Variants in LAMB4 observed in about 807,000 individuals in gnomAD.
LAMB4 encodes laminin subunit beta-4.
LAMB4 carries 196 observed loss-of-function variants against 199.2 expected under a neutral mutation model. The ratio of observed to expected loss-of-function variants is 0.98; its 90% CI spans 0.88 to 1.11. The LOEUF (loss-of-function observed/expected upper bound fraction) is 1.11, where lower values mean the gene tolerates loss of function less well. LAMB4 is among the 50% of genes least tolerant of loss of function. The pLI is 0.00. For missense variants in LAMB4, 2,080 were observed against 2,171.2 expected (o/e 0.96, Z 0.83); for synonymous variants, 744 against 770.6 (o/e 0.97, Z 0.57).
chr7:108,123,509 T>C (rs1283606487), intron 1 of LAMB4, among the ~76,000 whole-genome samples: 3 of 152,354 alleles, frequency 2.0e-5, no homozygotes, highest in Admixed American at 1.3e-4. Context: ...AGAAACTTTT[T>C]CTTCTAAAAA....
intron 11 of LAMB4, among the ~76,000 whole-genome samples, chr7:108,097,422 T>C (rs577950049): frequency 8.5e-5 from 13 of 152,352 alleles, no homozygotes; most frequent in Admixed American, 8.5e-4. Flanking sequence ...TTAATTATTT[T>C]TTCTTTTATC....
intron 29 of LAMB4, among the ~76,000 whole-genome samples, chr7:108,040,743 T>C (rs1170985961): frequency 6.6e-6 from 1 of 152,128 alleles, no homozygotes; most frequent in Non-Finnish European, 1.5e-5. Flanking sequence ...TCCTTACATC[T>C]TATATGAAAA....
rs10269515 is a variant in LAMB4, at chr7:108,079,578, A to G, written c.1887+23T>C. On this transcript the variant is annotated intron_variant, in intron 15 of 33. Transcript: ENST00000388781. ...GTATTTCTGTCAGCTTTTCACCACC[A>G]AAGTTGGAGAGTTAAAGGATACCTG... 3.5e-3 allele frequency: 5,485 copies of G among 1,561,586 alleles called. 149 individuals carry two copies. The African/African-American group carries it at 0.06, about 17-fold the overall frequency.
chr7:108,035,464 T>A (rs1031490320), intron 30 of LAMB4, among the ~76,000 whole-genome samples: 2 of 150,972 alleles, frequency 1.3e-5, no homozygotes, highest in Admixed American at 1.3e-4. Context: ...ATCACTTGAA[T>A]CTGGGAGGCG....
intron 17 of LAMB4, among the ~76,000 whole-genome samples, chr7:108,071,204 C>A (rs1410772842): frequency 6.6e-6 from 1 of 152,198 alleles, no homozygotes; most frequent in Non-Finnish European, 1.5e-5. Flanking sequence ...TGCCCTTTGA[C>A]TCCTTGATAG....
chr7:108,037,748 C>G (rs1440176946), intron 29 of LAMB4, among the ~76,000 whole-genome samples, 153 bp from the exon 30 acceptor site: 1 of 152,212 alleles, frequency 6.6e-6, no homozygotes, highest in Non-Finnish European at 1.5e-5. Flanking sequence ...CCTATAGATT[C>G]TTCTTCATCC....
intron 17 of LAMB4, among the ~76,000 whole-genome samples, chr7:108,070,452 T>C (rs2036495928): frequency 6.6e-6 from 1 of 152,182 alleles, no homozygotes; most frequent in South Asian, 2.1e-4. Context: ...CCCTTCTATG[T>C]GGATTTTCTT....
At chr7:108,116,390 A>T (rs914562197) in intron 2 of LAMB4, among the ~76,000 whole-genome samples, 5 of 152,166 alleles carry the variant, frequency 3.3e-5, no homozygotes, top group Non-Finnish European at 5.9e-5. Context: ...CAAAATACAG[A>T]TTTGGATTAA....
chr7:108,034,064 G>A lies in LAMB4; in HGVS notation c.4818+144C>T, dbSNP rs2035138566. ...GTGCTCTGTAGAACATTAAATACAT[G>A]CATAATACTACCCAAATCTTATTTA... On this transcript the variant is annotated intron_variant, in intron 31 of 33. Coordinates refer to ENST00000388781, the MANE Select transcript of LAMB4 (RefSeq NM_007356.3). 4 of 809,312 alleles carry A rather than the reference G, an allele frequency of 4.9e-6. No individual in the cohort carries two copies. The South Asian group carries it at 5.0e-5, about 10-fold the overall frequency. The allele number at this position is 809,312 out of a possible 1,614,324, so 50.1% of individuals were successfully genotyped here. A position where few individuals can be genotyped will look rare whatever the true frequency, so the allele number is the denominator to read the frequency against.
chr7:108,117,513 T>C (rs999399314), intron 2 of LAMB4, among the ~76,000 whole-genome samples: 1 of 152,172 alleles, frequency 6.6e-6, no homozygotes, highest in African/African-American at 2.4e-5. Context: ...GTTAAACATA[T>C]ATATAATGAG....
chr7:108,116,884 G>T (rs1330116243), intron 2 of LAMB4, among the ~76,000 whole-genome samples: 3 of 152,116 alleles, frequency 2.0e-5, no homozygotes, highest in African/African-American at 2.4e-5. Context: ...AAAATGAAAA[G>T]AAATTAGCCA....
intron 2 of LAMB4, among the ~76,000 whole-genome samples, chr7:108,121,005 AAATAGT>A (rs1197410831): frequency 6.6e-6 from 1 of 152,252 alleles, no homozygotes; most frequent in East Asian, 1.9e-4. Context: ...CTAGAAATGT[AAATAGT>A]TAAAGTTTCA....
At chr7:108,071,159 A>G (rs1222026879) in intron 17 of LAMB4, among the ~76,000 whole-genome samples, 3 of 151,912 alleles carry the variant, frequency 2.0e-5, no homozygotes, top group South Asian at 2.1e-4. Context: ...CACCTCCTCA[A>G]TCGTACATAT....
downstream of LAMB4, among the ~76,000 whole-genome samples, chr7:108,021,964 A>G (rs1027451068): frequency 1.3e-5 from 2 of 151,978 alleles, no homozygotes; most frequent in Middle Eastern, 3.2e-3. Context: ...GGCCCGGCCA[A>G]CTGGATTACT....
At chr7:108,045,974 C>T (rs1386578216) in intron 28 of LAMB4, among the ~76,000 whole-genome samples, 2 of 152,046 alleles carry the variant, frequency 1.3e-5, no homozygotes. Context: ...GTGGTTCTCA[C>T]CCCATTCCCA....
chr7:108,016,628 T>A, the LAMB4 span, among the ~76,000 whole-genome samples: 1 of 152,172 alleles, frequency 6.6e-6, no homozygotes, highest in African/African-American at 2.4e-5. Context: ...ACAGGCAACA[T>A]CAGTGAGAAA....
intron 14 of LAMB4, among the ~76,000 whole-genome samples, chr7:108,090,549 C>A (rs1378743647): frequency 6.6e-6 from 1 of 152,070 alleles, no homozygotes; most frequent in Non-Finnish European, 1.5e-5. Flanking sequence ...CTTACAACCC[C>A]TGGCTCAGAG....
chr7:108,036,761 A>G (rs1013035525), intron 30 of LAMB4, among the ~76,000 whole-genome samples: 1 of 152,044 alleles, frequency 6.6e-6, no homozygotes, highest in East Asian at 1.9e-4. Context: ...ACAAAAGGCA[A>G]GAGTTAGTTA....
intron 23 of LAMB4, among the ~76,000 whole-genome samples, 195 bp from the exon 24 acceptor site, chr7:108,058,123 C>T (rs2036045572): frequency 6.6e-6 from 1 of 152,198 alleles, no homozygotes; most frequent in African/African-American, 2.4e-5. Context: ...TGGCCTAAAG[C>T]TCCTGAATAT....
Sources: gnomAD v4.1 joint callset for allele counts (sites outside exome capture counted in the v4.1 genomes callset) on GRCh38, gnomAD v4.1.1 for gene constraint, MANE v1.5 for transcripts, NCBI Gene and HGNC (gene_info 2026-07-23, HGNC 2026-07-21) for gene names.